ATOX1: variants seen among roughly 807,000 people sequenced by gnomAD.
ATOX1 encodes copper transport protein ATOX1.
Under a neutral mutation model 7.3 loss-of-function variants are expected in ATOX1, and 4 were observed. The observed-to-expected ratio is 0.55, with a 90% CI of 0.27 to 1.25. The LOEUF is 1.25. Among genes scored for constraint, ATOX1 ranks in the 50% most tolerant of loss-of-function variants. ATOX1 has a pLI of 0.12. For synonymous variants in ATOX1, 25 were observed against 28.7 expected, an observed-to-expected ratio of 0.87 and a Z score of 0.41; for missense variants, 68 against 81.6, an observed-to-expected ratio of 0.83 and a Z score of 0.64.
chr5:151,745,505 A>T (rs952925364), intron 3 of ATOX1: 22 of 152,270 alleles, frequency 1.4e-4, no homozygotes, highest in African/African-American at 5.3e-4. Context: ...TGGATCAATG[A>T]GTAAGGTCTG....
Position 151,746,319 on chromosome 5 carries a change from C to T in ATOX1, c.*6G>A, listed in dbSNP as rs369036203. 2 of 1,612,768 alleles carry T rather than the reference C, an allele frequency of 1.2e-6. No individual in the cohort carries two copies. The highest frequency in any genetic ancestry group is 1.7e-6 in the Non-Finnish European group (2 of 1,179,472). On this transcript the variant is annotated 3_prime_UTR_variant, in exon 3 of 4. Transcript: ENST00000313115. Reference sequence around the variant, plus strand: ...CATCCTGTGGGCTGTGGGGACCAGGCCCCTGCTACTCAAGGCCAAGGTAGG... The same window carrying T: ...CATCCTGTGGGCTGTGGGGACCAGGTCCCTGCTACTCAAGGCCAAGGTAGG...
At chr5:151,755,389 T>TTGCAGTCA (rs1240503824) in intron 1 of ATOX1, among the ~76,000 whole-genome samples, 2 of 152,234 alleles carry the variant, frequency 1.3e-5, no homozygotes, top group African/African-American at 4.8e-5. Context: ...ACTAGGTAGC[T>TTGCAGTCA]TGCAGTCATG....
chr5:151,748,361 G>A (rs1206737182), intron 2 of ATOX1, among the ~76,000 whole-genome samples: 1 of 152,140 alleles, frequency 6.6e-6, no homozygotes, highest in Non-Finnish European at 1.5e-5. Context: ...GAAGGAGTCA[G>A]GGCTGGCCAG....
intron 3 of ATOX1, chr5:151,743,600 C>G (rs1197683795): frequency 1.3e-5 from 2 of 152,162 alleles, no homozygotes; most frequent in Non-Finnish European, 2.9e-5. Flanking sequence ...CTAGAATTTG[C>G]TTCAAAATAA....
intron 1 of ATOX1, chr5:151,752,476 G>C: frequency 1.5e-6 from 1 of 647,700 alleles, no homozygotes; most frequent in Non-Finnish European, 2.8e-6. Flanking sequence ...ACAGATCAAG[G>C]GTCTGAAGGT....
intron 3 of ATOX1, 44 bp downstream of exon 3, chr5:151,746,235 T>C (rs1226133633): frequency 6.5e-7 from 1 of 1,544,096 alleles, no homozygotes; most frequent in East Asian, 2.3e-5. Flanking sequence ...TGATGAGAGG[T>C]GTGAGCTGTA....
rs753779308 is a variant in ATOX1 at position 151,746,403 on chromosome 5, T to C, written c.129A>G (p.Glu43=). Residue 43 remains glutamate (E), a synonymous_variant, in exon 3 of 4, where the codon GAA becomes GAG. Coordinates refer to ENST00000313115, the MANE Select transcript of ATOX1 (RefSeq NM_004045.4). The part of the protein sequence containing the change: ...IDLPNKKVCI[E]SEHSMDTLLA... ...GCAGAGTGTCCATGCTGTGCTCAGA[T>C]TCAATGCAGACCTTCTTGTTGGGCA... The C allele has an allele frequency of 3.7e-6, 6 of 1,613,844 alleles. No homozygotes were observed. The African/African-American group carries it at 6.7e-5, about 18-fold the overall frequency.
intron 2 of ATOX1, among the ~76,000 whole-genome samples, chr5:151,746,982 C>T (rs567120575): frequency 2.6e-5 from 4 of 152,122 alleles, no homozygotes; most frequent in African/African-American, 9.6e-5. Flanking sequence ...GATCTGCCCG[C>T]CTTGGCCTCC....
At chr5:151,749,398 T>A (rs573391923) in intron 2 of ATOX1, among the ~76,000 whole-genome samples, 1 of 151,546 alleles carries the variant, frequency 6.6e-6, no homozygotes. Context: ...GGCAGGAGAA[T>A]CGCTTGAACC....
chr5:151,752,467 C>A, intron 1 of ATOX1: 1 of 671,450 alleles, frequency 1.5e-6, no homozygotes, highest in South Asian at 1.6e-5. Flanking sequence ...GGATATCTAA[C>A]AGATCAAGGG....
At chr5:151,751,680 C>T (rs1275145756) in intron 2 of ATOX1, 24 bp downstream of exon 2, 1 of 1,590,584 alleles carries the variant, frequency 6.3e-7, no homozygotes, top group Non-Finnish European at 8.6e-7. Context: ...CATAAGTGCA[C>T]CCAACTCAGG....
At chr5:151,754,757 G>A (rs1368779558) in intron 1 of ATOX1, among the ~76,000 whole-genome samples, 1 of 151,894 alleles carries the variant, frequency 6.6e-6, no homozygotes, top group Non-Finnish European at 1.5e-5. Flanking sequence ...AGGCTGAGGC[G>A]GGAGGATCAC....
intron 1 of ATOX1, chr5:151,752,286 T>C (rs1761961573): frequency 1.4e-6 from 1 of 702,496 alleles, no homozygotes; most frequent in South Asian, 1.5e-5. Context: ...CTGTTATGTC[T>C]ACTCATTACC....
intron 3 of ATOX1, chr5:151,743,381 A>C (rs931709211): frequency 2.6e-5 from 4 of 152,144 alleles, no homozygotes; most frequent in African/African-American, 9.7e-5. Flanking sequence ...AAACCAATAA[A>C]CACTCTATCT....
chr5:151,746,716 C>T (rs192382094), intron 2 of ATOX1, among the ~76,000 whole-genome samples: 1 of 152,138 alleles, frequency 6.6e-6, no homozygotes, highest in East Asian at 1.9e-4. Flanking sequence ...AGGATTTGGC[C>T]CATGTGCTGA....
intron 2 of ATOX1, among the ~76,000 whole-genome samples, 197 bp downstream of exon 2, chr5:151,751,507 G>C (rs1042575715): frequency 2.0e-5 from 3 of 152,120 alleles, no homozygotes; most frequent in African/African-American, 2.4e-5. Flanking sequence ...AAAACTATCT[G>C]AAATGGCCGT....
intron 3 of ATOX1, chr5:151,745,983 A>G: frequency 4.1e-6 from 1 of 243,746 alleles, no homozygotes; most frequent in South Asian, 5.4e-5. Context: ...AGGGTCACAT[A>G]CTGTAAACTT....
At chr5:151,751,573 T>C (rs1054041228) in intron 2 of ATOX1, 131 bp downstream of exon 2, 3 of 804,434 alleles carry the variant, frequency 3.7e-6, no homozygotes, top group Non-Finnish European at 5.8e-6. Context: ...ACAAGAGTAG[T>C]TGGCACGTGC....
At chr5:151,744,570 T>C (rs1166976627) in intron 3 of ATOX1, 1 of 152,058 alleles carries the variant, frequency 6.6e-6, no homozygotes, top group Admixed American at 6.6e-5. Context: ...AGGCCTGGAG[T>C]TTCTAATCCA....
Sources: allele counts gnomAD v4.1 joint callset (sites outside exome capture counted in the v4.1 genomes callset), GRCh38; gene constraint gnomAD v4.1.1; transcripts MANE v1.5; gene names NCBI Gene and HGNC (gene_info 2026-07-23, HGNC 2026-07-21).